Variants in ZNF597 observed in about 807,000 individuals in gnomAD.
ZNF597 encodes the protein zinc finger protein 597.
ZNF597 carries 5 observed loss-of-function variants against 7.3 expected under a neutral mutation model. That is an observed-to-expected ratio of 0.68 (90% CI 0.36 to 1.44). The LOEUF (loss-of-function observed/expected upper bound fraction) is 1.44. Ranked by LOEUF, ZNF597 falls within the 40% of genes most tolerant of loss-of-function variation. The probability of loss-of-function intolerance (pLI) is 0.04; values close to 1 mark genes in which losing one functional copy is unlikely to be tolerated. For missense variants in ZNF597, 585 were observed against 517.9 expected, an observed-to-expected ratio of 1.13 and a Z score of -1.26; for synonymous variants, 209 against 185.4, an observed-to-expected ratio of 1.13 and a Z score of -1.04.
chr16:3,438,843 T>G (rs2034333624), intron 3 of ZNF597, among the ~76,000 whole-genome samples: 7 of 151,374 alleles, frequency 4.6e-5, no homozygotes. Flanking sequence ...AAAGCAAATA[T>G]ATCAATACAA....
At position 3,434,506 on chromosome 16, in the gene ZNF597, T is replaced by C. The variant is rs1344999878; in HGVS notation, c.*1918A>G. 2.0e-5 allele frequency: 3 copies of C among 152,190 alleles called. No individual in the cohort carries two copies. The highest frequency in any genetic ancestry group is 7.2e-5 in the African/African-American group (3 of 41,428). 9.4% of individuals were successfully genotyped at this position (152,190 alleles called of 1,614,324 possible). A position where few individuals can be genotyped will look rare whatever the true frequency, so the allele number is the denominator to read the frequency against. On this transcript the variant is annotated 3_prime_UTR_variant, in exon 4 of 4. Coordinates refer to ENST00000301744, the MANE Select transcript of ZNF597 (RefSeq NM_152457.3). ...AGAAACAAACAGCCAAAGTCTGACC[T>C]TGACATACAGAGCAGCACATTGTCT...
Position 3,435,068 on chromosome 16 carries a change from GT to G in ZNF597, c.*1355del, listed in dbSNP as rs1231292232. Reference sequence around the variant, plus strand: ...GATCTATATATTATCAAGTATTTTGGTTAAAATCTAACAATTTTCTATATGC... The same window carrying G: ...GATCTATATATTATCAAGTATTTTGGTAAAATCTAACAATTTTCTATATGC... On this transcript the variant is annotated 3_prime_UTR_variant, in exon 4 of 4. Transcript: ENST00000301744. 1 of 151,942 alleles carries G rather than the reference GT, an allele frequency of 6.6e-6. No individual in the cohort carries two copies. Among genetic ancestry groups the G allele is most frequent in the African/African-American group, 2.4e-5 (1 of 41,340 alleles). The allele number at this position is 151,942 out of a possible 1,614,324, so 9.4% of individuals were successfully genotyped here.
Position 3,437,129 on chromosome 16 carries a change from T to G in ZNF597, c.570A>C (p.Gly190=), listed in dbSNP as rs750106592. 1 of 1,614,212 alleles carries G rather than the reference T, an allele frequency of 6.2e-7. No individual in the cohort carries two copies. The highest frequency in any genetic ancestry group is 1.7e-5 in the Admixed American group (1 of 60,024). Residue 190 remains glycine (G), a synonymous_variant, in exon 4 of 4, where the codon GGA becomes GGC. Coordinates refer to ENST00000301744, the MANE Select transcript of ZNF597 (RefSeq NM_152457.3). The part of the protein sequence containing the change: ...GEKKHKCGDC[G]KIFNHRANLR... ...GGTTGGCTCTATGATTGAAGATCTTTCCACAGTCACCACATTTATGTTTTT... is the reference window on the plus strand; with the variant it reads ...GGTTGGCTCTATGATTGAAGATCTTGCCACAGTCACCACATTTATGTTTTT...
chr16:3,439,232 A>C (rs901804726), intron 3 of ZNF597, among the ~76,000 whole-genome samples: 1 of 151,824 alleles, frequency 6.6e-6, no homozygotes, highest in African/African-American at 2.4e-5. Flanking sequence ...AAAACAACAA[A>C]AAAAGACAAG....
rs1035502445 is a variant in ZNF597 at position 3,434,027 on chromosome 16, C to G, written c.*2397G>C. 6 of 152,126 alleles carry G rather than the reference C, an allele frequency of 3.9e-5. No homozygotes were observed. In the East Asian group the frequency reaches 7.7e-4, roughly 20 times the overall value. The allele number at this position is 152,126 out of a possible 1,614,324, so 9.4% of individuals were successfully genotyped here. ...GTGAAGGAAGACTCGTGTGGAAAGGCAAACTTCCATATTAAGGTGCAGAAC... is the reference window on the plus strand; with the variant it reads ...GTGAAGGAAGACTCGTGTGGAAAGGGAAACTTCCATATTAAGGTGCAGAAC... On this transcript the variant is annotated 3_prime_UTR_variant, in exon 4 of 4. Transcript: ENST00000301744.
In ZNF597 at chr16:3,440,842, C is replaced by G. The variant is rs756627180; in HGVS notation, c.125G>C (p.Gly42Ala). ...HPAQRSLSKD[G>A]TKESLEDAAL... ...CGCATCCTCCAAAGACTCTTTTGTACCATCTTTGCTGAGGGACCTCTGGGC... is the reference window on the plus strand; with the variant it reads ...CGCATCCTCCAAAGACTCTTTTGTAGCATCTTTGCTGAGGGACCTCTGGGC... Residue 42 changes from glycine to alanine, a missense_variant, in exon 3 of 4, where the codon GGT becomes GCT. Coordinates refer to ENST00000301744, the MANE Select transcript of ZNF597 (RefSeq NM_152457.3). 6.2e-7 allele frequency: 1 copy of G among 1,614,044 alleles called. No individual in the cohort carries two copies. Among genetic ancestry groups the G allele is most frequent in the Non-Finnish European group, 8.5e-7 (1 of 1,179,954 alleles).
rs1282195939 is a variant in ZNF597 at position 3,437,148 on chromosome 16, T to G, written c.551A>C (p.His184Pro). 6.2e-6 allele frequency: 10 copies of G among 1,614,224 alleles called. No individual in the cohort carries two copies. The highest frequency in any genetic ancestry group is 1.3e-5 in the African/African-American group (1 of 75,066). Residue 184 changes from histidine (H) to proline (P), a missense_variant, in exon 4 of 4, where the codon CAT becomes CCT. Transcript: ENST00000301744. ...HQKIHSGEKKHKCGDCGKIFN... is the reference protein window; with the variant it reads ...HQKIHSGEKKPKCGDCGKIFN... Reference sequence around the variant, plus strand: ...GATCTTTCCACAGTCACCACATTTATGTTTTTTCTCTCCTGAATGAATTTT... The same window carrying G: ...GATCTTTCCACAGTCACCACATTTAGGTTTTTTCTCTCCTGAATGAATTTT...
Position 3,437,223 on chromosome 16 carries a change from G to A in ZNF597, c.476C>T (p.Pro159Leu). 1 of 1,614,164 alleles carries A rather than the reference G, an allele frequency of 6.2e-7. No homozygotes were observed. The highest frequency in any genetic ancestry group is 8.5e-7 in the Non-Finnish European group (1 of 1,180,032). The change falls in exon 4 of 4, where the codon CCT becomes CTT. Residue 159 changes from proline to leucine, a missense_variant. Pro to Leu is a moderately conservative substitution (Grantham distance 98). Transcript: ENST00000301744. The part of the protein sequence containing the change: ...WEGAKNVYKC[P>L]ECDQNFSDHS... ...ATCGCTGAAGTTTTGGTCACACTCA[G>A]GACATTTGTACACATTTTTGGCTCC...
In ZNF597 at chr16:3,437,353, C is replaced by T; in HGVS notation, c.346G>A (p.Val116Ile). Residue 116 changes from valine to isoleucine, a missense_variant, in exon 4 of 4, where the codon GTC becomes ATC. Physicochemically the swap from Val to Ile is conservative, Grantham distance 29 (BLOSUM62 3). Coordinates refer to ENST00000301744, the MANE Select transcript of ZNF597 (RefSeq NM_152457.3). Reference protein sequence around the residue: ...LSGTPTYKRRVISLLVTIENH... With the variant: ...LSGTPTYKRRIISLLVTIENH... ...TCAATGGTAACTAAAAGGCTGATGA[C>T]CCTTCTCTTGTAAGTGGGAGTTCCA... 6.2e-7 allele frequency: 1 copy of T among 1,614,108 alleles called. No homozygotes were observed. The highest frequency in any genetic ancestry group is 8.5e-7 in the Non-Finnish European group (1 of 1,180,024).
intron 3 of ZNF597, among the ~76,000 whole-genome samples, chr16:3,439,585 G>A (rs978680016): frequency 6.5e-4 from 98 of 151,582 alleles, no homozygotes; most frequent in African/African-American, 2.3e-3. Context: ...ACTCAAATAA[G>A]TCCTAGCAGA....
intron 1 of ZNF597, 57 bp from the exon 2 acceptor site, chr16:3,443,263 C>A (rs1167190891): frequency 1.3e-5 from 15 of 1,120,964 alleles, no homozygotes; most frequent in Admixed American, 2.3e-5. Context: ...AGTTCCTCCA[C>A]TACCCCTAGC....
rs901433705 is a variant in ZNF597 at position 3,434,755 on chromosome 16, T to C, written c.*1669A>G. The C allele has an allele frequency of 4.6e-5, 7 of 152,210 alleles. No individual in the cohort carries two copies. The highest frequency in any genetic ancestry group is 1.0e-4 in the Non-Finnish European group (7 of 68,030). 9.4% of individuals were successfully genotyped at this position (152,210 alleles called of 1,614,324 possible). A position where few individuals can be genotyped will look rare whatever the true frequency, so the allele number is the denominator to read the frequency against. Reference sequence around the variant, plus strand: ...CCACCTTCTGCTACCTTCCATATAATTAGTCCTCAAGAGTCCTTTATCTTT... The same window carrying C: ...CCACCTTCTGCTACCTTCCATATAACTAGTCCTCAAGAGTCCTTTATCTTT... On this transcript the variant is annotated 3_prime_UTR_variant, in exon 4 of 4. Transcript: ENST00000301744.
chr16:3,439,922 C>T (rs527745448), intron 3 of ZNF597, among the ~76,000 whole-genome samples: 6 of 152,170 alleles, frequency 3.9e-5, no homozygotes, highest in Admixed American at 1.3e-4. Flanking sequence ...CATACATTTA[C>T]GCAGACAGAA....
rs117459391 is a variant in ZNF597 at position 3,436,751 on chromosome 16, C to G, written c.948G>C (p.Lys316Asn). The G allele has an allele frequency of 2.6e-4, 417 of 1,613,884 alleles. 1 individual carries two copies. In the East Asian group the frequency reaches 8.0e-3, roughly 31 times the overall value. The change falls in exon 4 of 4, where the codon AAG becomes AAC. Residue 316 changes from lysine to asparagine, a missense_variant. By Grantham distance (94) the Lys-to-Asn change is moderately conservative. Coordinates refer to ENST00000301744, the MANE Select transcript of ZNF597 (RefSeq NM_152457.3). ...RQSLYPALSE[K>N]SHDEDSERCS... ...AGCGTTCAGAGTCCTCGTCGTGGCT[C>G]TTCTCGGAAAGGGCAGGATATAAGG...
chr16:3,441,667 C>T (rs538212942), intron 2 of ZNF597, among the ~76,000 whole-genome samples: 1 of 152,010 alleles, frequency 6.6e-6, no homozygotes, highest in African/African-American at 2.4e-5. Flanking sequence ...GCCTGGGCAA[C>T]AAGAGTAAAA....
Position 3,443,249 on chromosome 16 carries a change from G to A in ZNF597, c.-53-43C>T. 8 of 1,302,488 alleles carry A rather than the reference G, an allele frequency of 6.1e-6. No homozygotes were observed. In the South Asian group the frequency reaches 9.7e-5, roughly 16 times the overall value. 80.7% of individuals were successfully genotyped at this position (1,302,488 alleles called of 1,614,324 possible). A position where few individuals can be genotyped will look rare whatever the true frequency, so the allele number is the denominator to read the frequency against. On this transcript the variant is annotated intron_variant, in intron 1 of 3. Coordinates refer to ENST00000301744, the MANE Select transcript of ZNF597 (RefSeq NM_152457.3). The stretch of plus-strand genomic sequence containing the variant: ...AGTTCTTAAAGGGACCAATTCCGCT[G>A]CCAAGTTCCTCCACTACCCCTAGCC...
chr16:3,442,025 G>A (rs1596269141), intron 2 of ZNF597, among the ~76,000 whole-genome samples: 1 of 150,300 alleles, frequency 6.7e-6, no homozygotes, highest in South Asian at 2.1e-4. Flanking sequence ...GGGCAGCCCA[G>A]GAAGAATCAT....
rs1491204158 is a variant in ZNF597 at position 3,434,571 on chromosome 16, CAA to C, written c.*1851_*1852del. 2.1e-4 allele frequency: 6 copies of C among 29,184 alleles called. No individual in the cohort carries two copies. The highest frequency in any genetic ancestry group is 2.1e-3 in the East Asian group (2 of 954). The allele number at this position is 29,184 out of a possible 1,614,324, so 1.8% of individuals were successfully genotyped here. A position where few individuals can be genotyped will look rare whatever the true frequency, so the allele number is the denominator to read the frequency against. Reference sequence around the variant, plus strand: ...CAAACAAGAAACAAGACAAGAATGACAAAGAGAGAGAAACTCTCTCTGGGTTA... The same window carrying C: ...CAAACAAGAAACAAGACAAGAATGACAGAGAGAGAAACTCTCTCTGGGTTA... On this transcript the variant is annotated 3_prime_UTR_variant, in exon 4 of 4. Coordinates refer to ENST00000301744, the MANE Select transcript of ZNF597 (RefSeq NM_152457.3).
chr16:3,437,185 C>T lies in ZNF597; in HGVS notation c.514G>A (p.Val172Ile). The stretch of plus-strand genomic sequence containing the variant: ...CCTGAATGAATTTTCTGATGCAAAA[C>T]TAGGTATGAATGATCGCTGAAGTTT... ...DQNFSDHSYLVLHQKIHSGEK... is the reference protein window; with the variant it reads ...DQNFSDHSYLILHQKIHSGEK... Residue 172 changes from valine to isoleucine, a missense_variant, in exon 4 of 4, where the codon GTT becomes ATT. Coordinates refer to ENST00000301744, the MANE Select transcript of ZNF597 (RefSeq NM_152457.3). 6.2e-7 allele frequency: 1 copy of T among 1,614,190 alleles called. No homozygotes were observed. The highest frequency in any genetic ancestry group is 8.5e-7 in the Non-Finnish European group (1 of 1,180,038).
Sources: gnomAD v4.1 joint callset for allele counts (sites outside exome capture counted in the v4.1 genomes callset) on GRCh38, gnomAD v4.1.1 for gene constraint, MANE v1.5 for transcripts, NCBI Gene and HGNC (gene_info 2026-07-23, HGNC 2026-07-21) for gene names.